Variants in OTOP2 observed in about 807,000 individuals in gnomAD.
OTOP2 encodes proton channel OTOP2.
OTOP2 carries 41 observed loss-of-function variants against 47.4 expected under a neutral mutation model. The observed-to-expected ratio is 0.87, with a 90% CI of 0.67 to 1.12. OTOP2 has a LOEUF of 1.12. OTOP2 is among the 50% of genes most tolerant of loss of function. The pLI, the probability that OTOP2 is intolerant of heterozygous loss-of-function variation, is 0.00. For missense variants in OTOP2, 721 were observed against 752.2 expected (o/e 0.96, Z 0.49); for synonymous variants, 328 against 319.6 (o/e 1.03, Z -0.28).
intron 2 of OTOP2, 105 bp downstream of exon 2, chr17:74,925,050 G>T (rs543337305): frequency 9.8e-5 from 132 of 1,347,028 alleles, no homozygotes; most frequent in Middle Eastern, 2.4e-4. Flanking sequence ...AGGGCGAGAG[G>T]CTCCCTAGGG....
At chr17:74,927,837 C>G (rs1301482040) in intron 5 of OTOP2, 39 bp downstream of exon 5, 2 of 1,605,922 alleles carry the variant, frequency 1.2e-6, no homozygotes, top group Admixed American at 3.4e-5. Context: ...GGCTACCAGG[C>G]CTTGGGCCGG....
At position 74,931,150 on chromosome 17, in the gene OTOP2, C is replaced by A; in HGVS notation, c.1515C>A (p.Val505=). The change falls in exon 6 of 7, where the codon GTC becomes GTA. Residue 505 remains valine, a synonymous_variant. Transcript: ENST00000331427. ...CTCTGTTTCTCCTACTCTGCAATGT[C>A]ATTGTGAGTAGCTGGGGGGAGAAAG... ...DISLFLLLCN[V]ILWIMPAFGA... 6.3e-7 allele frequency: 1 copy of A among 1,583,616 alleles called. No individual in the cohort carries two copies. The highest frequency in any genetic ancestry group is 8.6e-7 in the Non-Finnish European group (1 of 1,162,532).
chr17:74,927,651 C>T lies in OTOP2; in HGVS notation c.510-14C>T. 6.2e-7 allele frequency: 1 copy of T among 1,609,284 alleles called. No individual in the cohort carries two copies. The highest frequency in any genetic ancestry group is 8.5e-7 in the Non-Finnish European group (1 of 1,177,190). The stretch of plus-strand genomic sequence containing the variant: ...GTCACAGGCCTCTTTGTCCCCACCC[C>T]TGACCCCAAACAGGTGTGGTCTCAT... On this transcript the variant is annotated splice_polypyrimidine_tract_variant and intron_variant, in intron 4 of 6. Coordinates refer to ENST00000331427, the MANE Select transcript of OTOP2 (RefSeq NM_178160.3).
Position 74,930,955 on chromosome 17 carries a change from G to T in OTOP2, c.1320G>T (p.Lys440Asn). The T allele has an allele frequency of 6.2e-7, 1 of 1,614,004 alleles. No homozygotes were observed. Among genetic ancestry groups the T allele is most frequent in the Non-Finnish European group, 8.5e-7 (1 of 1,179,996 alleles). The change falls in exon 6 of 7, where the codon AAG becomes AAT. Residue 440 changes from lysine to asparagine, a missense_variant. Coordinates refer to ENST00000331427, the MANE Select transcript of OTOP2 (RefSeq NM_178160.3). This position sits in a 1 kb window ranked among gnomAD's most constrained non-coding sequence, Gnocchi z 4.0. The stretch of plus-strand genomic sequence containing the variant: ...CTGAGCCTCACAGTACCCACCCCAA[G>T]GAGCCCTGCCAAGACCTCACCTTCA... ...PGAEPHSTHP[K>N]EPCQDLTFTN... is the part of the protein sequence containing the mutation.
At position 74,931,168 on chromosome 17, in the gene OTOP2, G is replaced by A. The variant is rs775128118; in HGVS notation, c.1518+15G>A. On this transcript the variant is annotated intron_variant, in intron 6 of 6. Transcript: ENST00000331427. ...GCAATGTCATTGTGAGTAGCTGGGGGGAGAAAGGGTGGGCTTGGGAGAAGA... is the reference window on the plus strand; with the variant it reads ...GCAATGTCATTGTGAGTAGCTGGGGAGAGAAAGGGTGGGCTTGGGAGAAGA... 4 of 1,565,642 alleles carry A rather than the reference G, an allele frequency of 2.6e-6. No homozygotes were observed. The highest frequency in any genetic ancestry group is 2.6e-6 in the Non-Finnish European group (3 of 1,153,226).
chr17:74,933,287 C>T lies in OTOP2; in HGVS notation c.1519-88C>T, dbSNP rs565414413. ...CCACCAAGCTAGAAGGATGGGCCGC[C>T]ATCTAGCCACGGCCCAGCAAAACCC... On this transcript the variant is annotated intron_variant, in intron 6 of 6. Transcript: ENST00000331427. This position sits in a 1 kb window ranked among gnomAD's most constrained non-coding sequence, Gnocchi z 4.7. 4.1e-6 allele frequency: 6 copies of T among 1,476,434 alleles called. No homozygotes were observed. The South Asian group carries it at 7.8e-5, about 19-fold the overall frequency. The allele number at this position is 1,476,434 out of a possible 1,614,324, so 91.5% of individuals were successfully genotyped here. A position where few individuals can be genotyped will look rare whatever the true frequency, so the allele number is the denominator to read the frequency against.
Position 74,924,302 on chromosome 17 carries a change from C to T in OTOP2, c.-65C>T. ...AGGAGACGCTCGCCGTCCCCTGACC[C>T]CCAGCTCAGCGCCGGCTCCAAGCCC... On this transcript the variant is annotated 5_prime_UTR_variant, in exon 1 of 7. Transcript: ENST00000331427. This position sits in a 1 kb window ranked among gnomAD's most constrained non-coding sequence, Gnocchi z 7.7. 5.7e-6 allele frequency: 2 copies of T among 349,906 alleles called. No individual in the cohort carries two copies. Among genetic ancestry groups the T allele is most frequent in the Non-Finnish European group, 1.0e-5 (2 of 192,392 alleles). 21.7% of individuals were successfully genotyped at this position (349,906 alleles called of 1,614,324 possible). A position where few individuals can be genotyped will look rare whatever the true frequency, so the allele number is the denominator to read the frequency against.
In OTOP2 at chr17:74,927,808, C is replaced by T. The variant is rs2039022948; in HGVS notation, c.643+10C>T. ...CGTCTCATCTCTGACCGTGAGTTTC[C>T]TCTTAATGCTGGCCCTGTGGCTACC... is the stretch of plus-strand genomic sequence containing the variant. On this transcript the variant is annotated intron_variant, in intron 5 of 6. Transcript: ENST00000331427. 2 of 1,613,074 alleles carry T rather than the reference C, an allele frequency of 1.2e-6. No homozygotes were observed. The highest frequency in any genetic ancestry group is 2.7e-5 in the African/African-American group (2 of 74,892).
In OTOP2 at chr17:74,924,720, CTGCTGTCGG is replaced by C; in HGVS notation, c.94_102del (p.Ser32_Leu34del). 6.2e-7 allele frequency: 1 copy of C among 1,607,412 alleles called. No individual in the cohort carries two copies. Among genetic ancestry groups the C allele is most frequent in the Non-Finnish European group, 8.5e-7 (1 of 1,177,644 alleles). ...GGAGGTGTGGAAGAAGGGTGGCCGC[CTGCTGTCGG>C]TGCTGCTGGCGGTGAACGTGCTGCT... is the stretch of plus-strand genomic sequence containing the variant. On this transcript the variant is annotated inframe_deletion, in exon 2 of 7. Coordinates refer to ENST00000331427, the MANE Select transcript of OTOP2 (RefSeq NM_178160.3). The surrounding 1 kb of genome is among the most constrained non-coding windows in gnomAD (Gnocchi z 7.7).
At position 74,927,216 on chromosome 17, in the gene OTOP2, C is replaced by T. The variant is rs921663222; in HGVS notation, c.451-7C>T. On this transcript the variant is annotated splice_region_variant and splice_polypyrimidine_tract_variant and intron_variant, in intron 3 of 6. Transcript: ENST00000331427. ...TAAATGACTCTCACCAATGTCTCTC[C>T]ATACAGACCTACTTTCTCTGGGTCT... The T allele has an allele frequency of 1.9e-6, 3 of 1,609,888 alleles. No homozygotes were observed. The highest frequency in any genetic ancestry group is 3.3e-5 in the Admixed American group (2 of 60,006).
intron 6 of OTOP2, among the ~76,000 whole-genome samples, chr17:74,932,109 A>G (rs2039065313): frequency 6.6e-6 from 1 of 152,162 alleles, no homozygotes; most frequent in East Asian, 1.9e-4. Flanking sequence ...GAAATGGCCC[A>G]GTGGGGGCTT....
At chr17:74,925,434 A>G (rs1444948967) in intron 2 of OTOP2, 122 bp from the exon 3 acceptor site, 8 of 1,277,036 alleles carry the variant, frequency 6.3e-6, no homozygotes, top group Non-Finnish European at 7.7e-6. Context: ...CCAACAGTGC[A>G]CTCACTCACC....
In OTOP2 at chr17:74,925,649, A is replaced by G; in HGVS notation, c.407A>G (p.Lys136Arg). The G allele has an allele frequency of 1.2e-6, 2 of 1,614,200 alleles. No homozygotes were observed. The highest frequency in any genetic ancestry group is 1.7e-5 in the Admixed American group (1 of 60,028). The change falls in exon 3 of 7, where the codon AAG becomes AGG. Residue 136 changes from lysine to arginine, a missense_variant. Coordinates refer to ENST00000331427, the MANE Select transcript of OTOP2 (RefSeq NM_178160.3). Reference protein sequence around the residue: ...SSFFECQSAIKILHPLIQAVF... With the variant: ...SSFFECQSAIRILHPLIQAVF... Reference sequence around the variant, plus strand: ...TTCTTTGAGTGCCAGTCAGCCATCAAGATCCTGCACCCCCTCATCCAGGCT... The same window carrying G: ...TTCTTTGAGTGCCAGTCAGCCATCAGGATCCTGCACCCCCTCATCCAGGCT...
intron 5 of OTOP2, among the ~76,000 whole-genome samples, chr17:74,929,551 G>A (rs1275907438): frequency 7.9e-5 from 12 of 152,062 alleles, no homozygotes; most frequent in East Asian, 1.9e-4. Flanking sequence ...TCAACCTCCC[G>A]TGTAGCTGGG....
At position 74,930,199 on chromosome 17, in the gene OTOP2, A is replaced by G; in HGVS notation, c.644-80A>G. The G allele has an allele frequency of 6.8e-7, 1 of 1,478,888 alleles. No homozygotes were observed. Among genetic ancestry groups the G allele is most frequent in the South Asian group, 1.4e-5 (1 of 73,844 alleles). The allele number at this position is 1,478,888 out of a possible 1,614,324, so 91.6% of individuals were successfully genotyped here. A position where few individuals can be genotyped will look rare whatever the true frequency, so the allele number is the denominator to read the frequency against. On this transcript the variant is annotated intron_variant, in intron 5 of 6. Coordinates refer to ENST00000331427, the MANE Select transcript of OTOP2 (RefSeq NM_178160.3). This position sits in a 1 kb window ranked among gnomAD's most constrained non-coding sequence, Gnocchi z 4.0. Reference sequence around the variant, plus strand: ...ACTCCGTCTCAAAACAAAACAAAAAAAAAAAGGTCACAGGCTAGGGGTGAG... The same window carrying G: ...ACTCCGTCTCAAAACAAAACAAAAAGAAAAAGGTCACAGGCTAGGGGTGAG...
At chr17:74,932,794 C>G (rs1000714053) in intron 6 of OTOP2, among the ~76,000 whole-genome samples, 1 of 152,190 alleles carries the variant, frequency 6.6e-6, no homozygotes, top group Non-Finnish European at 1.5e-5. Flanking sequence ...AACCTTTGTT[C>G]TTTGCTTCTT....
rs773313409 is a variant in OTOP2 at position 74,933,594 on chromosome 17, T to C, written c.*49T>C. 6.6e-7 allele frequency: 1 copy of C among 1,526,534 alleles called. No individual in the cohort carries two copies. Among genetic ancestry groups the C allele is most frequent in the Middle Eastern group, 2.0e-4 (1 of 4,922 alleles). The allele number at this position is 1,526,534 out of a possible 1,614,324, so 94.6% of individuals were successfully genotyped here. On this transcript the variant is annotated 3_prime_UTR_variant, in exon 7 of 7. Transcript: ENST00000331427. This position sits in a 1 kb window ranked among gnomAD's most constrained non-coding sequence, Gnocchi z 4.7. ...GCAGGAAGAGGGGGCTCAGCTCATGTGCCCACTCAGACACCCTCTGGGAAT... is the reference window on the plus strand; with the variant it reads ...GCAGGAAGAGGGGGCTCAGCTCATGCGCCCACTCAGACACCCTCTGGGAAT...
At position 74,924,759 on chromosome 17, in the gene OTOP2, G is replaced by T. The variant is rs1459353205; in HGVS notation, c.127G>T (p.Ala43Ser). Residue 43 changes from alanine (A) to serine (S), a missense_variant, in exon 2 of 7, where the codon GCC becomes TCC. Ala to Ser is a moderately conservative substitution (Grantham distance 99). Coordinates refer to ENST00000331427, the MANE Select transcript of OTOP2 (RefSeq NM_178160.3). The surrounding 1 kb of genome is among the most constrained non-coding windows in gnomAD (Gnocchi z 7.7). ...GCTGGCGGTGAACGTGCTGCTCCTC[G>T]CCTGCACGCTCATCAGCGGCGGAGC... ...VLLAVNVLLL[A>S]CTLISGGAFN... is the part of the protein sequence containing the mutation. 6.2e-7 allele frequency: 1 copy of T among 1,609,562 alleles called. No homozygotes were observed. Among genetic ancestry groups the T allele is most frequent in the Non-Finnish European group, 8.5e-7 (1 of 1,178,440 alleles).
In OTOP2 at chr17:74,930,904, G is replaced by C. The variant is rs940066744; in HGVS notation, c.1269G>C (p.Glu423Asp). ...QHTFQNMFII[E>D]SLHRGPPGAE... is the part of the protein sequence containing the mutation. ...CCTTCCAGAACATGTTTATCATCGA[G>C]AGCCTTCACCGAGGACCGCCCGGGG... The change falls in exon 6 of 7, where the codon GAG (glutamate) becomes GAC (aspartate). Residue 423 changes from glutamate (E) to aspartate (D), a missense_variant. Coordinates refer to ENST00000331427, the MANE Select transcript of OTOP2 (RefSeq NM_178160.3). The surrounding 1 kb of genome is among the most constrained non-coding windows in gnomAD (Gnocchi z 4.0). 4 of 1,613,858 alleles carry C rather than the reference G, an allele frequency of 2.5e-6. No individual in the cohort carries two copies. In the African/African-American group the frequency reaches 5.3e-5, roughly 22 times the overall value.
Sources: allele counts gnomAD v4.1 joint callset (sites outside exome capture counted in the v4.1 genomes callset), GRCh38; gene constraint gnomAD v4.1.1; non-coding constraint Gnocchi (gnomAD v3.1); transcripts MANE v1.5; gene names NCBI Gene and HGNC (gene_info 2026-07-23, HGNC 2026-07-21).